Variants in EDNRA observed in about 807,000 individuals in gnomAD.
The protein encoded by EDNRA is endothelin-1 receptor.
Under a neutral mutation model 41.4 loss-of-function variants are expected in EDNRA, and 11 were observed. That is an observed-to-expected ratio of 0.27 (90% CI 0.17 to 0.44). The LOEUF is 0.44. Ranked by LOEUF, EDNRA falls within the 20% of genes least tolerant of loss-of-function variation. EDNRA has a pLI of 1.00. For missense variants in EDNRA, 294 were observed against 531.0 expected, an observed-to-expected ratio of 0.55 and a Z score of 4.39; for synonymous variants, 172 against 183.0, an observed-to-expected ratio of 0.94 and a Z score of 0.49.
intron 2 of EDNRA, among the ~76,000 whole-genome samples, chr4:147,517,786 A>C (rs1730166560): frequency 6.6e-6 from 1 of 152,188 alleles, no homozygotes; most frequent in Non-Finnish European, 1.5e-5. Flanking sequence ...CTTTATGCCT[A>C]ACCCTAACCT....
In EDNRA at chr4:147,539,970, C is replaced by A; in HGVS notation, c.1034+20C>A. ...ACTTAGGTATGATCCTGTGTACTCGCTAGAAAATTGGAGTTTCTCAGATTT... is the reference window on the plus strand; with the variant it reads ...ACTTAGGTATGATCCTGTGTACTCGATAGAAAATTGGAGTTTCTCAGATTT... On this transcript the variant is annotated intron_variant, in intron 6 of 7. Coordinates refer to ENST00000651419, the MANE Select transcript of EDNRA (RefSeq NM_001957.4). 1 of 1,561,018 alleles carries A rather than the reference C, an allele frequency of 6.4e-7. No individual in the cohort carries two copies. The highest frequency in any genetic ancestry group is 8.6e-7 in the Non-Finnish European group (1 of 1,160,756).
rs1728748749 is a variant in EDNRA, at chr4:147,481,366, C to G, written c.-81C>G. 1 of 152,340 alleles carries G rather than the reference C, an allele frequency of 6.6e-6. No homozygotes were observed. The highest frequency in any genetic ancestry group is 2.4e-5 in the African/African-American group (1 of 41,456). 9.4% of individuals were successfully genotyped at this position (152,340 alleles called of 1,614,324 possible). On this transcript the variant is annotated 5_prime_UTR_variant, in exon 1 of 8. Coordinates refer to ENST00000651419, the MANE Select transcript of EDNRA (RefSeq NM_001957.4). ...GGACCCGGCAGCTGTCTGCGCACGC[C>G]GAGCTCCACGGTCGGTGCAAGTCTT...
Position 147,542,754 on chromosome 4 carries a change from C to A in EDNRA, c.*136C>A. 2.6e-6 allele frequency: 3 copies of A among 1,176,040 alleles called. No homozygotes were observed. The highest frequency in any genetic ancestry group is 1.7e-5 in the South Asian group (1 of 59,408). 72.9% of individuals were successfully genotyped at this position (1,176,040 alleles called of 1,614,324 possible). A position where few individuals can be genotyped will look rare whatever the true frequency, so the allele number is the denominator to read the frequency against. ...CCCACACCCAAGAAGAAATGCTTTCCAAAACCGCAAGGGTAGACTGGTTTA... is the reference window on the plus strand; with the variant it reads ...CCCACACCCAAGAAGAAATGCTTTCAAAAACCGCAAGGGTAGACTGGTTTA... On this transcript the variant is annotated 3_prime_UTR_variant, in exon 8 of 8. Transcript: ENST00000651419.
At chr4:147,517,094 C>A (rs563554774) in intron 2 of EDNRA, among the ~76,000 whole-genome samples, 1 of 151,950 alleles carries the variant, frequency 6.6e-6, no homozygotes, top group Non-Finnish European at 1.5e-5. Flanking sequence ...AGTTTGGGGG[C>A]CTTGACTGGA....
intron 2 of EDNRA, among the ~76,000 whole-genome samples, chr4:147,517,128 A>G (rs1730143975): frequency 1.3e-5 from 2 of 152,196 alleles, no homozygotes; most frequent in African/African-American, 2.4e-5. Context: ...TTTGCATTAT[A>G]TAAGCTTTTA....
chr4:147,509,793 G>A (rs933918317), intron 2 of EDNRA, among the ~76,000 whole-genome samples: 1 of 151,956 alleles, frequency 6.6e-6, no homozygotes, highest in African/African-American at 2.4e-5. Flanking sequence ...TCTAGTTGCA[G>A]GAAAACAAGC....
chr4:147,524,898 A>C (rs1414312308), intron 3 of EDNRA, among the ~76,000 whole-genome samples: 4 of 121,592 alleles, frequency 3.3e-5, no homozygotes, highest in Non-Finnish European at 5.4e-5. Flanking sequence ...CTACTACTAC[A>C]AAAAAAAATA....
At chr4:147,496,950 T>C (rs1729319370) in intron 2 of EDNRA, among the ~76,000 whole-genome samples, 1 of 152,138 alleles carries the variant, frequency 6.6e-6, no homozygotes, top group South Asian at 2.1e-4. Flanking sequence ...TATATAGATA[T>C]AAAAACCTAT....
At chr4:147,541,067 C>CAAAAAAA (rs10551607) in intron 7 of EDNRA, among the ~76,000 whole-genome samples, 2 of 46,172 alleles carry the variant, frequency 4.3e-5, no homozygotes, top group Non-Finnish European at 9.0e-5. Context: ...GACTCAGTCT[C>CAAAAAAA]AAAAAAAAAA....
Position 147,486,923 on chromosome 4 carries a change from G to A in EDNRA, c.420+822G>A, listed in dbSNP as rs983131269. On this transcript the variant is annotated intron_variant, in intron 2 of 7. Transcript: ENST00000651419. This position sits in a 1 kb window ranked among gnomAD's most constrained non-coding sequence, Gnocchi z 4.3. ...TATTAAAAAAAAAAAAAAAAGGCTG[G>A]GTAATTTATAAAGAAAAGAGATTTG... Among the ~76,000 whole-genome samples the A allele has an allele frequency of 1.5e-4, 22 of 151,492 alleles. No individual in the cohort carries two copies. The highest frequency in any genetic ancestry group is 3.1e-4 in the Non-Finnish European group (21 of 67,920).
At position 147,499,325 on chromosome 4, in the gene EDNRA, G is replaced by T. The variant is rs1729426997; in HGVS notation, c.420+13224G>T. Among the ~76,000 whole-genome samples the T allele has an allele frequency of 2.0e-5, 3 of 152,088 alleles. No homozygotes were observed. The South Asian group carries it at 6.2e-4, about 32-fold the overall frequency. ...CCTTCCTCTGCTTCACAAAGTGCTG[G>T]GATTGTAGGTGTGAGCCACCATGCC... On this transcript the variant is annotated intron_variant, in intron 2 of 7. Coordinates refer to ENST00000651419, the MANE Select transcript of EDNRA (RefSeq NM_001957.4).
rs1426517611 is a variant in EDNRA at position 147,538,250 on chromosome 4, G to A, written c.901-1567G>A. 2.0e-5 allele frequency among the ~76,000 whole-genome samples: 3 copies of A among 152,180 alleles called. No homozygotes were observed. The East Asian group carries it at 5.8e-4, about 30-fold the overall frequency. On this transcript the variant is annotated intron_variant, in intron 5 of 7. Transcript: ENST00000651419. ...TATCTGATTTCCAAGCAGCAAGAGG[G>A]GAAGAACAGAAAACAACCCGTCATG...
intron 2 of EDNRA, among the ~76,000 whole-genome samples, chr4:147,508,194 A>G (rs1729791815): frequency 1.3e-5 from 2 of 152,112 alleles, no homozygotes; most frequent in African/African-American, 2.4e-5. Context: ...GCTGAAGTGC[A>G]GTGGGGCAAT....
At chr4:147,535,092 C>T (rs1578814773) in intron 4 of EDNRA, among the ~76,000 whole-genome samples, 1 of 152,152 alleles carries the variant, frequency 6.6e-6, no homozygotes, top group South Asian at 2.1e-4. Flanking sequence ...GCATTTCGTC[C>T]CAAGTTGGTG....
chr4:147,488,967 A>C (rs1729040234), intron 2 of EDNRA: 1 of 152,208 alleles, frequency 6.6e-6, no homozygotes, highest in Non-Finnish European at 1.5e-5. Flanking sequence ...CATTACATTT[A>C]TGTAGCTATG....
In EDNRA at chr4:147,539,432, C is replaced by T. The variant is rs143289745; in HGVS notation, c.901-385C>T. ...ATTAAGAGTCATTAGCTAACCCTTT[C>T]CCCCATGCAGTCACACTCCACCCCA... is the stretch of plus-strand genomic sequence containing the variant. On this transcript the variant is annotated intron_variant, in intron 5 of 7. Coordinates refer to ENST00000651419, the MANE Select transcript of EDNRA (RefSeq NM_001957.4). 9.9e-5 allele frequency among the ~76,000 whole-genome samples: 15 copies of T among 151,938 alleles called. No homozygotes were observed. In the East Asian group the frequency reaches 2.9e-3, roughly 29 times the overall value.
intron 4 of EDNRA, among the ~76,000 whole-genome samples, chr4:147,533,018 T>C (rs2126475613): frequency 1.5e-5 from 2 of 131,018 alleles, no homozygotes; most frequent in South Asian, 4.8e-4. Context: ...TGTGTGTGTG[T>C]GTGTGTGTAT....
intron 1 of EDNRA, among the ~76,000 whole-genome samples, chr4:147,484,961 A>C (rs1027913927): frequency 6.6e-6 from 1 of 152,236 alleles, no homozygotes; most frequent in Non-Finnish European, 1.5e-5. Context: ...GCTGCACTTC[A>C]TCCCTATGTT....
intron 3 of EDNRA, among the ~76,000 whole-genome samples, chr4:147,529,365 G>A (rs1419194747): frequency 6.6e-6 from 1 of 152,140 alleles, no homozygotes; most frequent in East Asian, 1.9e-4. Flanking sequence ...AGGAATTACC[G>A]CTAGATGGAT....
Sources: gnomAD v4.1 joint callset for allele counts (sites outside exome capture counted in the v4.1 genomes callset) on GRCh38, gnomAD v4.1.1 for gene constraint, Gnocchi (gnomAD v3.1) non-coding constraint, MANE v1.5 for transcripts, NCBI Gene and HGNC (gene_info 2026-07-23, HGNC 2026-07-21) for gene names.